Variants in AMBRA1 observed in about 807,000 individuals in gnomAD.
The protein encoded by AMBRA1 is autophagy and beclin 1 regulator 1, also known as activating molecule in BECN1-regulated autophagy protein 1.
AMBRA1 carries 47 observed loss-of-function variants against 125.4 expected under a neutral mutation model. The ratio of observed to expected loss-of-function variants is 0.37; its 90% CI spans 0.30 to 0.48. The LOEUF (loss-of-function observed/expected upper bound fraction) is 0.48. Ranked by LOEUF, AMBRA1 falls within the 20% of genes least tolerant of loss-of-function variation. The pLI, the probability that AMBRA1 is intolerant of heterozygous loss-of-function variation, is 0.99. For missense variants in AMBRA1, 1,331 were observed against 1,693.4 expected, an observed-to-expected ratio of 0.79 and a Z score of 3.76; for synonymous variants, 626 against 655.5, an observed-to-expected ratio of 0.95 and a Z score of 0.69.
At chr11:46,485,078 C>T (rs749777879) in intron 11 of AMBRA1, among the ~76,000 whole-genome samples, 52 of 152,144 alleles carry the variant, frequency 3.4e-4, no homozygotes, top group Non-Finnish European at 6.0e-4. Context: ...GCTGGGATTA[C>T]AGGCACCTGC....
At position 46,569,438 on chromosome 11, in the gene AMBRA1, A is replaced by ATATATATAT. The variant is rs1320055263; in HGVS notation, c.-120-20939_-120-20938insATATATATA. Among the ~76,000 whole-genome samples the ATATATATAT allele has an allele frequency of 1.6e-3, 209 of 134,172 alleles. 4 individuals are homozygous for ATATATATAT. The highest frequency in any genetic ancestry group is 5.1e-4 in the Non-Finnish European group (33 of 64,570). The allele number at this position is 134,172 out of a possible 152,430, so 88.0% of individuals were successfully genotyped here. On this transcript the variant is annotated intron_variant, in intron 1 of 17. Coordinates refer to ENST00000683756, the MANE Select transcript of AMBRA1 (RefSeq NM_001387011.1). Reference sequence around the variant, plus strand: ...ATATCACTGAGAGATTAAAAAAAAAAAAATATATATATATATATATATATA... The same window carrying ATATATATAT: ...ATATCACTGAGAGATTAAAAAAAAAATATATATATAAATATATATATATATATATATATA...
At chr11:46,432,681 G>A (rs990791834) in intron 14 of AMBRA1, among the ~76,000 whole-genome samples, 4 of 152,096 alleles carry the variant, frequency 2.6e-5, no homozygotes, top group Non-Finnish European at 4.4e-5. Flanking sequence ...AGCTAAAGAA[G>A]ACAAAAAATG....
intron 11 of AMBRA1, among the ~76,000 whole-genome samples, chr11:46,490,520 C>T (rs961215994): frequency 6.6e-6 from 1 of 152,054 alleles, no homozygotes; most frequent in African/African-American, 2.4e-5. Flanking sequence ...GGAAGTAGAA[C>T]GGATCTTGAT....
At chr11:46,458,481 C>A (rs1948947230) in intron 11 of AMBRA1, among the ~76,000 whole-genome samples, 1 of 152,192 alleles carries the variant, frequency 6.6e-6, no homozygotes, top group African/African-American at 2.4e-5. Flanking sequence ...AGTGTTTTTG[C>A]CTCTGTGTAC....
At chr11:46,578,591 T>C (rs1426483938) in intron 1 of AMBRA1, among the ~76,000 whole-genome samples, 10 of 151,302 alleles carry the variant, frequency 6.6e-5, no homozygotes, top group Non-Finnish European at 1.5e-5. Context: ...AAACTATTAA[T>C]AGAAAACAAT....
At chr11:46,456,666 A>C (rs1192688475) in intron 11 of AMBRA1, among the ~76,000 whole-genome samples, 5 of 152,212 alleles carry the variant, frequency 3.3e-5, no homozygotes, top group African/African-American at 1.2e-4. Flanking sequence ...AGCACAAGCG[A>C]GTGGAATTGG....
intron 9 of AMBRA1, among the ~76,000 whole-genome samples, chr11:46,501,715 T>C (rs968162788): frequency 1.4e-4 from 22 of 152,354 alleles, no homozygotes; most frequent in African/African-American, 4.3e-4. Flanking sequence ...CAAATAATTA[T>C]ATTTTTATTA....
chr11:46,505,771 G>A lies in AMBRA1; in HGVS notation c.2339+2420C>T, dbSNP rs186108210. On this transcript the variant is annotated intron_variant, in intron 9 of 17. Coordinates refer to ENST00000683756, the MANE Select transcript of AMBRA1 (RefSeq NM_001387011.1). The stretch of plus-strand genomic sequence containing the variant: ...GGGGGAAGGAAGGGGAGAGAGAGAG[G>A]AGGTGGTAGCAGGAGAAAGGGAAGG... 4.6e-5 allele frequency among the ~76,000 whole-genome samples: 7 copies of A among 152,124 alleles called. No homozygotes were observed. The East Asian group carries it at 9.7e-4, about 21-fold the overall frequency.
At chr11:46,549,136 C>A (rs1315102266) in intron 1 of AMBRA1, 2 of 151,192 alleles carry the variant, frequency 1.3e-5, no homozygotes, top group East Asian at 1.9e-4. Flanking sequence ...ACAAGACTTA[C>A]AAGGAGAAAA....
intron 9 of AMBRA1, among the ~76,000 whole-genome samples, chr11:46,507,568 C>T (rs577615682): frequency 2.0e-5 from 3 of 152,150 alleles, no homozygotes; most frequent in African/African-American, 4.8e-5. Context: ...TGGCTCTCCC[C>T]GCTGACCACT....
At chr11:46,544,108 T>G in intron 5 of AMBRA1, 67 bp from the exon 6 acceptor site, 1 of 1,327,586 alleles carries the variant, frequency 7.5e-7, no homozygotes, top group Non-Finnish European at 1.1e-6. Context: ...AAGAGGAAAC[T>G]TGTGTTTGAA....
chr11:46,529,734 G>T (rs1244922852), intron 7 of AMBRA1, among the ~76,000 whole-genome samples: 2 of 152,064 alleles, frequency 1.3e-5, no homozygotes, highest in African/African-American at 4.8e-5. Context: ...CCAGATACCC[G>T]AATTGATATG....
At chr11:46,569,943 AGAGT>A (rs2043695820) in intron 1 of AMBRA1, among the ~76,000 whole-genome samples, 1 of 152,060 alleles carries the variant, frequency 6.6e-6, no homozygotes, top group South Asian at 2.1e-4. Flanking sequence ...CCTGGGTGAC[AGAGT>A]GAGACTTCGT....
intron 11 of AMBRA1, among the ~76,000 whole-genome samples, chr11:46,488,699 T>C (rs1950351027): frequency 6.6e-6 from 1 of 152,146 alleles, no homozygotes; most frequent in Non-Finnish European, 1.5e-5. Context: ...AGAGCCTATA[T>C]ACTAAGCCAT....
intron 7 of AMBRA1, among the ~76,000 whole-genome samples, chr11:46,517,264 C>T (rs1323143708): frequency 1.3e-5 from 2 of 149,750 alleles, no homozygotes; most frequent in Non-Finnish European, 3.0e-5. Flanking sequence ...TCTCTTGCCT[C>T]AGCCTCCCAA....
chr11:46,422,545 C>G (rs918192530), intron 14 of AMBRA1, among the ~76,000 whole-genome samples: 1 of 152,132 alleles, frequency 6.6e-6, no homozygotes, highest in Non-Finnish European at 1.5e-5. Flanking sequence ...CTAAAAGTGT[C>G]TTGTTTCTTG....
intron 1 of AMBRA1, among the ~76,000 whole-genome samples, chr11:46,584,381 G>T (rs2044292696): frequency 9.6e-6 from 1 of 104,600 alleles, no homozygotes; most frequent in Non-Finnish European, 1.9e-5. Flanking sequence ...TGTGGGGTGG[G>T]GGGAGGGGGG....
chr11:46,497,530 G>A (rs980330423), intron 9 of AMBRA1, among the ~76,000 whole-genome samples: 2 of 152,138 alleles, frequency 1.3e-5, no homozygotes, highest in East Asian at 3.8e-4. Context: ...TGACAGGAGA[G>A]GACCCAGCAC....
intron 16 of AMBRA1, among the ~76,000 whole-genome samples, chr11:46,409,901 C>T (rs1170327067): frequency 6.6e-6 from 1 of 152,226 alleles, no homozygotes; most frequent in East Asian, 1.9e-4. Context: ...CCCTGGGCTA[C>T]AGCCCTGGGC....
Sources: allele counts gnomAD v4.1 joint callset (sites outside exome capture counted in the v4.1 genomes callset), GRCh38; gene constraint gnomAD v4.1.1; transcripts MANE v1.5; gene names NCBI Gene and HGNC (gene_info 2026-07-23, HGNC 2026-07-21).